PHC3: variants seen among roughly 807,000 people sequenced by gnomAD.
PHC3 encodes the protein polyhomeotic-like protein 3.
In PHC3, 13 loss-of-function variants were observed where a neutral mutation model predicts 107.4. The ratio of observed to expected loss-of-function variants is 0.12; its 90% CI spans 0.08 to 0.19. PHC3 has a LOEUF of 0.19. Ranked by LOEUF, PHC3 falls within the 10% of genes least tolerant of loss-of-function variation. The pLI is 1.00. For missense variants in PHC3, 992 were observed against 1,210.9 expected (o/e 0.82, Z 2.68); for synonymous variants, 456 against 427.4 (o/e 1.07, Z -0.83).
chr3:170,181,231 C>A (rs1191733072), intron 1 of PHC3, among the ~76,000 whole-genome samples: 4 of 152,316 alleles, frequency 2.6e-5, no homozygotes, highest in East Asian at 1.9e-4. Flanking sequence ...CGGATTCTCC[C>A]GCTGAGGAGG....
rs774768908 is a variant in PHC3 at position 170,129,227 on chromosome 3, A to C, written c.1245T>G (p.Pro415=). The change falls in exon 8 of 15, where the codon CCT becomes CCG. Residue 415 remains proline, a synonymous_variant. Coordinates refer to ENST00000495893, the MANE Select transcript of PHC3 (RefSeq NM_024947.4). ...QQSVVVSPPP[P]HSPSQSPTII... Reference sequence around the variant, plus strand: ...TAGTAGGAGACTGACTTGGTGAATGAGGTGGTGGAGGAGACACCACTACAG... The same window carrying C: ...TAGTAGGAGACTGACTTGGTGAATGCGGTGGTGGAGGAGACACCACTACAG... 2.5e-6 allele frequency: 4 copies of C among 1,613,572 alleles called. No individual in the cohort carries two copies. Among genetic ancestry groups the C allele is most frequent in the Admixed American group, 3.3e-5 (2 of 60,018 alleles).
intron 4 of PHC3, among the ~76,000 whole-genome samples, chr3:170,155,609 C>T (rs1425318160): frequency 6.6e-6 from 1 of 152,018 alleles, no homozygotes; most frequent in South Asian, 2.1e-4. Context: ...GTGGTCCCAG[C>T]TACTCAGGCG....
At chr3:170,165,753 CAAAA>C (rs1201987701) in intron 4 of PHC3, among the ~76,000 whole-genome samples, 1 of 41,114 alleles carries the variant, frequency 2.4e-5, no homozygotes, top group Non-Finnish European at 4.6e-5. Flanking sequence ...GACCTTGTCT[CAAAA>C]AAAAAAAAAA....
chr3:170,158,145 C>T (rs1194064876), intron 4 of PHC3, among the ~76,000 whole-genome samples: 1 of 151,762 alleles, frequency 6.6e-6, no homozygotes, highest in African/African-American at 2.4e-5. Context: ...TTGGAAATTC[C>T]ATAAGGTAAG....
chr3:170,167,233 T>C (rs1728877795), intron 4 of PHC3, among the ~76,000 whole-genome samples: 1 of 152,032 alleles, frequency 6.6e-6, no homozygotes, highest in Non-Finnish European at 1.5e-5. Context: ...ACGGCAGCCT[T>C]GACCTCCTGG....
intron 7 of PHC3, among the ~76,000 whole-genome samples, chr3:170,132,751 C>A (rs1036414067): frequency 2.0e-5 from 3 of 152,170 alleles, no homozygotes; most frequent in South Asian, 2.1e-4. Context: ...GCAGCTGGAG[C>A]AGATTGATTA....
intron 8 of PHC3, chr3:170,128,413 A>G (rs1274954663): frequency 7.5e-7 from 1 of 1,338,120 alleles, no homozygotes; most frequent in Non-Finnish European, 9.7e-7. Context: ...TCAACTCTGT[A>G]AAGATAGCAG....
intron 7 of PHC3, among the ~76,000 whole-genome samples, chr3:170,130,321 C>T (rs1171849147): frequency 3.3e-5 from 5 of 152,118 alleles, no homozygotes; most frequent in African/African-American, 1.2e-4. Context: ...CATATCTAAA[C>T]GTGCTTCCAA....
In PHC3 at chr3:170,091,534, A is replaced by G. The variant is rs1033325751; in HGVS notation, c.*5696T>C. On this transcript the variant is annotated 3_prime_UTR_variant, in exon 15 of 15. Coordinates refer to ENST00000495893, the MANE Select transcript of PHC3 (RefSeq NM_024947.4). The stretch of plus-strand genomic sequence containing the variant: ...CTTTAAGTAAAATTAAATGTCAACA[A>G]ACTATAAAAGGGAAAAAATAAAACA... 1.3e-5 allele frequency: 2 copies of G among 152,226 alleles called. No homozygotes were observed. The highest frequency in any genetic ancestry group is 2.9e-5 in the Non-Finnish European group (2 of 68,036). 9.4% of individuals were successfully genotyped at this position (152,226 alleles called of 1,614,324 possible). A position where few individuals can be genotyped will look rare whatever the true frequency, so the allele number is the denominator to read the frequency against.
At chr3:170,159,038 TC>T (rs1260068254) in intron 4 of PHC3, among the ~76,000 whole-genome samples, 3 of 151,508 alleles carry the variant, frequency 2.0e-5, no homozygotes, top group Non-Finnish European at 4.4e-5. Context: ...GATCACAAGG[TC>T]AGGAGATCGA....
intron 6 of PHC3, among the ~76,000 whole-genome samples, chr3:170,140,627 C>T (rs12053973): frequency 0.83 from 104,432 of 125,568 alleles, 43,759 homozygotes; most frequent in East Asian, 0.98. Flanking sequence ...AGAGGCTTGC[C>T]CTGTCACCCA....
intron 10 of PHC3, among the ~76,000 whole-genome samples, chr3:170,114,261 A>G (rs1407504440): frequency 6.6e-6 from 1 of 152,104 alleles, no homozygotes; most frequent in Non-Finnish European, 1.5e-5. Flanking sequence ...CACCCACCTC[A>G]GCCTCCCGAA....
chr3:170,133,643 A>G (rs1722605986), intron 7 of PHC3, among the ~76,000 whole-genome samples: 1 of 152,204 alleles, frequency 6.6e-6, no homozygotes, highest in Admixed American at 6.5e-5. Context: ...CAACAACATC[A>G]AGGAAAATTG....
intron 1 of PHC3, among the ~76,000 whole-genome samples, chr3:170,180,645 T>C (rs946620563): frequency 5.9e-5 from 9 of 151,390 alleles, no homozygotes; most frequent in African/African-American, 2.2e-4. Context: ...ACAGTATTAG[T>C]GGTAGGTAAG....
At chr3:170,144,172 A>G (rs185360879) in intron 6 of PHC3, among the ~76,000 whole-genome samples, 7 of 151,172 alleles carry the variant, frequency 4.6e-5, no homozygotes, top group African/African-American at 1.5e-4. Context: ...AAAAAAAAAA[A>G]AAAGAAAAAA....
chr3:170,167,689 G>A (rs1401302277), intron 4 of PHC3, among the ~76,000 whole-genome samples: 1 of 151,712 alleles, frequency 6.6e-6, no homozygotes, highest in Admixed American at 6.6e-5. Flanking sequence ...GAACCCAAGA[G>A]GTGGAGGTTG....
chr3:170,142,046 T>G (rs1724199837), intron 6 of PHC3, among the ~76,000 whole-genome samples: 1 of 152,216 alleles, frequency 6.6e-6, no homozygotes, highest in Non-Finnish European at 1.5e-5. Context: ...AGGCACTATG[T>G]TAAGTACTTT....
At chr3:170,127,617 G>C (rs1213553658) in intron 8 of PHC3, among the ~76,000 whole-genome samples, 1 of 152,134 alleles carries the variant, frequency 6.6e-6, no homozygotes, top group Admixed American at 6.5e-5. Context: ...GATAATCCAA[G>C]TATGAAAAGA....
chr3:170,161,807 G>A (rs1005021862), intron 4 of PHC3, among the ~76,000 whole-genome samples: 2 of 152,192 alleles, frequency 1.3e-5, no homozygotes, highest in African/African-American at 2.4e-5. Context: ...GTGTCCTCAC[G>A]TAGCAGAGAA....
Sources: allele counts gnomAD v4.1 joint callset (sites outside exome capture counted in the v4.1 genomes callset), GRCh38; gene constraint gnomAD v4.1.1; transcripts MANE v1.5; gene names NCBI Gene and HGNC (gene_info 2026-07-23, HGNC 2026-07-21).